The following KIFC3 variants were observed in gnomAD, a reference collection of about 807,000 sequenced individuals.
The protein encoded by KIFC3 is kinesin family member C3.
Under a neutral mutation model 101.8 loss-of-function variants are expected in KIFC3, and 60 were observed. The ratio of observed to expected loss-of-function variants is 0.59; its 90% CI spans 0.48 to 0.73. The LOEUF (loss-of-function observed/expected upper bound fraction) is 0.73. Ranked by LOEUF, KIFC3 falls within the 30% of genes least tolerant of loss-of-function variation. KIFC3 has a pLI of 0.00. For missense variants in KIFC3, 966 were observed against 1,137.1 expected, an observed-to-expected ratio of 0.85 and a Z score of 2.16; for synonymous variants, 476 against 482.7, an observed-to-expected ratio of 0.99 and a Z score of 0.18.
intron 1 of KIFC3, chr16:57,816,352 C>T: frequency 1.1e-6 from 1 of 951,374 alleles, no homozygotes; most frequent in Non-Finnish European, 1.5e-6. Context: ...TGGGGCCTGC[C>T]CCTCCTGGCT....
intron 2 of KIFC3, 115 bp downstream of exon 2, chr16:57,797,957 G>GTAAT: frequency 1.3e-6 from 2 of 1,542,946 alleles, no homozygotes; most frequent in Non-Finnish European, 8.7e-7. Context: ...CGGTTACCCT[G>GTAAT]TAATTACCTG....
intron 1 of KIFC3, among the ~76,000 whole-genome samples, chr16:57,822,514 T>G (rs1341185664): frequency 1.3e-5 from 2 of 152,040 alleles, no homozygotes; most frequent in African/African-American, 4.8e-5. Context: ...CTGCCCAACA[T>G]GGTGAAACCC....
chr16:57,786,822 G>A (rs1259638505), intron 3 of KIFC3, among the ~76,000 whole-genome samples: 1 of 152,328 alleles, frequency 6.6e-6, no homozygotes, highest in Non-Finnish European at 1.5e-5. Flanking sequence ...GCTGGACAGG[G>A]AAGTGGGGAG....
intron 4 of KIFC3, 95 bp downstream of exon 4, chr16:57,772,128 A>G (rs1393184621): frequency 2.9e-6 from 3 of 1,043,444 alleles, no homozygotes; most frequent in African/African-American, 3.2e-5. Flanking sequence ...ATGCGGGCTC[A>G]GGAGAGAGAG....
intron 3 of KIFC3, chr16:57,788,723 C>G: frequency 7.8e-7 from 1 of 1,289,492 alleles, no homozygotes. Context: ...GCTGCCAAGA[C>G]ACAACCAGAA....
chr16:57,828,831 A>C (rs535907418), intron 1 of KIFC3, among the ~76,000 whole-genome samples: 61 of 151,450 alleles, frequency 4.0e-4, no homozygotes, highest in African/African-American at 1.4e-3. Flanking sequence ...CTCACCCCCC[A>C]GCAGAAGGTA....
intron 1 of KIFC3, among the ~76,000 whole-genome samples, chr16:57,856,833 C>G (rs2056180438): frequency 6.6e-6 from 1 of 152,144 alleles, no homozygotes; most frequent in Non-Finnish European, 1.5e-5. Flanking sequence ...ACCAAACCCA[C>G]CCAAGAAGAA....
chr16:57,766,054 GA>G (rs1225391534), intron 10 of KIFC3, among the ~76,000 whole-genome samples: 12 of 152,220 alleles, frequency 7.9e-5, no homozygotes, highest in Admixed American at 3.9e-4. Flanking sequence ...TTAGGAATCA[GA>G]TGGGCATATA....
intron 3 of KIFC3, chr16:57,775,287 C>G: frequency 8.0e-7 from 1 of 1,247,306 alleles, no homozygotes; most frequent in Non-Finnish European, 1.0e-6. Flanking sequence ...GTGTCAGACA[C>G]TAGGTCATCT....
At chr16:57,800,042 A>G (rs2054618903) in intron 1 of KIFC3, among the ~76,000 whole-genome samples, 1 of 152,052 alleles carries the variant, frequency 6.6e-6, no homozygotes, top group Admixed American at 6.6e-5. Context: ...TGTGGTGTCT[A>G]GAATAGGGGG....
At chr16:57,798,508 G>A (rs2054519416) in intron 1 of KIFC3, 2 of 585,474 alleles carry the variant, frequency 3.4e-6, no homozygotes, top group African/African-American at 1.9e-5. Flanking sequence ...TCCGAAGTGC[G>A]AAAGTTGCAT....
chr16:57,799,970 G>C (rs1476550271), intron 1 of KIFC3, among the ~76,000 whole-genome samples: 6 of 152,092 alleles, frequency 3.9e-5, no homozygotes, highest in African/African-American at 9.7e-5. Flanking sequence ...GGCGGGAGCT[G>C]GGGGAGGAAG....
chr16:57,805,325 C>T (rs1479439499), upstream of KIFC3, among the ~76,000 whole-genome samples: 7 of 152,142 alleles, frequency 4.6e-5, no homozygotes, highest in Admixed American at 1.3e-4. Context: ...TCAGGAACTA[C>T]GTACCAACTC....
intron 1 of KIFC3, among the ~76,000 whole-genome samples, chr16:57,841,619 A>G (rs1249287035): frequency 6.6e-6 from 1 of 152,144 alleles, no homozygotes; most frequent in Non-Finnish European, 1.5e-5. Flanking sequence ...GTGATCTGAG[A>G]TCGTGCCACT....
At chr16:57,800,334 T>C (rs1182767901) in intron 1 of KIFC3, among the ~76,000 whole-genome samples, 2 of 152,008 alleles carry the variant, frequency 1.3e-5, no homozygotes, top group Non-Finnish European at 2.9e-5. Context: ...CAGAGGCTGA[T>C]CTAAATACGT....
intron 3 of KIFC3, among the ~76,000 whole-genome samples, chr16:57,785,106 G>A (rs1862808): frequency 0.058 from 8,787 of 152,210 alleles, 403 homozygotes; most frequent in Non-Finnish European, 0.083. Context: ...GGGCACCGTC[G>A]AAGATGGGGT....
At chr16:57,831,910 T>C (rs2055587631) in intron 1 of KIFC3, among the ~76,000 whole-genome samples, 1 of 152,204 alleles carries the variant, frequency 6.6e-6, no homozygotes, top group Admixed American at 6.5e-5. Flanking sequence ...ACTGGATCCC[T>C]CATGATTTCT....
At chr16:57,805,878 G>A (rs2054925451), upstream of KIFC3, among the ~76,000 whole-genome samples, 1 of 152,012 alleles carries the variant, frequency 6.6e-6, no homozygotes, top group Admixed American at 6.6e-5. Context: ...GTTTTGCCAT[G>A]TTGGCCAGGC....
chr16:57,780,380 G>A (rs2052571093), intron 3 of KIFC3, among the ~76,000 whole-genome samples: 1 of 151,920 alleles, frequency 6.6e-6, no homozygotes, highest in Admixed American at 6.6e-5. Flanking sequence ...GTGTGGTGGT[G>A]TGCACCTGTA....
Sources: allele counts gnomAD v4.1 joint callset (sites outside exome capture counted in the v4.1 genomes callset), GRCh38; gene constraint gnomAD v4.1.1; transcripts MANE v1.5; gene names NCBI Gene and HGNC (gene_info 2026-07-23, HGNC 2026-07-21).